The following CATSPERT variants were observed in gnomAD, a reference collection of about 807,000 sequenced individuals.
The protein encoded by CATSPERT is catsper channel auxiliary subunit tau.
chr2:201,560,316 C>A, the CATSPERT span, among the ~76,000 whole-genome samples: 2 of 151,230 alleles, frequency 1.3e-5, no homozygotes, highest in African/African-American at 4.9e-5. Context: ...TCCAGCTACT[C>A]GGAGGCTGAG....
the CATSPERT span, chr2:201,581,957 G>A: frequency 1.0e-5 from 11 of 1,048,146 alleles, 1 homozygote; most frequent in South Asian, 1.6e-4. Flanking sequence ...TAGCCAAAAG[G>A]AGATTTTATT....
the CATSPERT span, among the ~76,000 whole-genome samples, chr2:201,609,331 A>G: frequency 6.6e-6 from 1 of 152,194 alleles, no homozygotes; most frequent in African/African-American, 2.4e-5. Flanking sequence ...TACACATTAA[A>G]CCAAATAGAC....
the CATSPERT span, among the ~76,000 whole-genome samples, chr2:201,518,603 G>GTT: frequency 6.6e-6 from 1 of 152,184 alleles, no homozygotes; most frequent in African/African-American, 2.4e-5. Context: ...CGAAAGGTGT[G>GTT]TTGACAATGT....
At chr2:201,574,240 T>A in the CATSPERT span, 7 of 1,605,756 alleles carry the variant, frequency 4.4e-6, no homozygotes, top group African/African-American at 9.4e-5. Context: ...AAAGTTTCCA[T>A]AGGAGAACAT....
chr2:201,494,234 T>G, the CATSPERT span: 1 of 1,536,752 alleles, frequency 6.5e-7, no homozygotes, highest in African/African-American at 1.4e-5. Flanking sequence ...CTTTTCTCTC[T>G]TGCTTCACTG....
At chr2:201,577,693 A>G in the CATSPERT span, among the ~76,000 whole-genome samples, 1 of 152,102 alleles carries the variant, frequency 6.6e-6, no homozygotes, top group African/African-American at 2.4e-5. Context: ...AGTCAATCTC[A>G]TAGAAACAGT....
At chr2:201,487,539 ATTC>A in the CATSPERT span, 2 of 1,372,416 alleles carry the variant, frequency 1.5e-6, no homozygotes, top group Non-Finnish European at 2.0e-6. Context: ...GAGAAGTGAT[ATTC>A]TGACTGCTGG....
the CATSPERT span, among the ~76,000 whole-genome samples, chr2:201,529,120 T>C: frequency 6.6e-6 from 1 of 152,022 alleles, no homozygotes; most frequent in Admixed American, 6.6e-5. Context: ...AATGGAAAGA[T>C]AGACCATATT....
the CATSPERT span, among the ~76,000 whole-genome samples, chr2:201,530,593 T>C: frequency 2.0e-5 from 3 of 152,122 alleles, no homozygotes; most frequent in Non-Finnish European, 4.4e-5. Flanking sequence ...ATTTAATGCA[T>C]GGAATTCATG....
the CATSPERT span, among the ~76,000 whole-genome samples, chr2:201,586,467 C>T: frequency 6.6e-6 from 1 of 151,876 alleles, no homozygotes; most frequent in Non-Finnish European, 1.5e-5. Context: ...GTAACAGATG[C>T]TACAGTAACG....
the CATSPERT span, among the ~76,000 whole-genome samples, chr2:201,508,726 T>C: frequency 2.0e-5 from 3 of 152,206 alleles, no homozygotes; most frequent in Admixed American, 6.5e-5. Context: ...TCCAGTGGCA[T>C]TGTGAAGTAT....
the CATSPERT span, among the ~76,000 whole-genome samples, chr2:201,605,176 A>G: frequency 6.6e-6 from 1 of 152,126 alleles, no homozygotes; most frequent in East Asian, 1.9e-4. Flanking sequence ...GGAAAGAGAA[A>G]TCTTAAGAGA....
the CATSPERT span, chr2:201,545,660 A>G: frequency 1.1e-6 from 1 of 899,676 alleles, no homozygotes. Flanking sequence ...AAAAGAAAAA[A>G]AAATATATAT....
chr2:201,505,695 C>A, the CATSPERT span, among the ~76,000 whole-genome samples: 4 of 152,052 alleles, frequency 2.6e-5, no homozygotes, highest in African/African-American at 9.7e-5. Context: ...AGAGTCATGA[C>A]AACAAAATGC....
the CATSPERT span, among the ~76,000 whole-genome samples, chr2:201,575,746 T>C: frequency 2.6e-5 from 4 of 152,198 alleles, no homozygotes; most frequent in African/African-American, 9.7e-5. Flanking sequence ...TTCTACGTTC[T>C]GATGAGTTGT....
At chr2:201,557,645 A>G in the CATSPERT span, 3 of 152,190 alleles carry the variant, frequency 2.0e-5, no homozygotes, top group African/African-American at 7.2e-5. Flanking sequence ...GGATTTTCCT[A>G]TTAATCTGCT....
the CATSPERT span, among the ~76,000 whole-genome samples, chr2:201,611,677 C>T: frequency 7.6e-6 from 1 of 131,906 alleles, no homozygotes; most frequent in Non-Finnish European, 1.6e-5. Context: ...GATTGCACAG[C>T]AAAAAGCACT....
the CATSPERT span, among the ~76,000 whole-genome samples, chr2:201,503,372 C>T: frequency 2.5e-3 from 374 of 152,240 alleles, 5 homozygotes; most frequent in African/African-American, 8.3e-3. Flanking sequence ...GGACTTCAGG[C>T]ACACATTGCT....
the CATSPERT span, among the ~76,000 whole-genome samples, chr2:201,496,544 T>A: frequency 6.6e-6 from 1 of 152,200 alleles, no homozygotes. Context: ...GGTTTTGCCA[T>A]GTTGGCCAGG....
Sources: allele counts gnomAD v4.1 joint callset (sites outside exome capture counted in the v4.1 genomes callset), GRCh38; gene constraint gnomAD v4.1.1; transcripts MANE v1.5; gene names NCBI Gene and HGNC (gene_info 2026-07-23, HGNC 2026-07-21).